Variants in TC2N observed in about 807,000 individuals in gnomAD.
The protein encoded by TC2N is tandem C2 domains nuclear protein.
A neutral mutation model predicts 61.9 loss-of-function variants in TC2N; 51 were observed. The ratio of observed to expected loss-of-function variants is 0.82; its 90% confidence interval spans 0.66 to 1.04. TC2N has a LOEUF of 1.04. TC2N is among the 50% of genes least tolerant of loss of function. The probability of loss-of-function intolerance (pLI) is 0.00; values close to 1 mark genes in which losing one functional copy is unlikely to be tolerated. For synonymous variants in TC2N, 204 were observed against 192.6 expected (o/e 1.06, Z -0.49); for missense variants, 556 against 566.7 (o/e 0.98, Z 0.19).
chr14:91,784,828 G>C (rs756336322), intron 11 of TC2N, among the ~76,000 whole-genome samples: 1 of 152,084 alleles, frequency 6.6e-6, no homozygotes, highest in East Asian at 1.9e-4. Context: ...TTTGATACTC[G>C]AAGACTTAAG....
At chr14:91,804,493 TTATAA>T (rs1297675173) in intron 3 of TC2N, among the ~76,000 whole-genome samples, 2 of 152,184 alleles carry the variant, frequency 1.3e-5, no homozygotes, top group African/African-American at 2.4e-5. Flanking sequence ...TACAAATTCC[TTATAA>T]TATGCTACAC....
At position 91,792,561 on chromosome 14, in the gene TC2N, T is replaced by A; in HGVS notation, c.856-3A>T. 6 of 1,269,276 alleles carry A rather than the reference T, an allele frequency of 4.7e-6. No individual in the cohort carries two copies. The highest frequency in any genetic ancestry group is 3.3e-5 in the South Asian group (2 of 61,272). The allele number at this position is 1,269,276 out of a possible 1,614,324, so 78.6% of individuals were successfully genotyped here. A position where few individuals can be genotyped will look rare whatever the true frequency, so the allele number is the denominator to read the frequency against. On this transcript the variant is annotated splice_polypyrimidine_tract_variant and splice_region_variant and intron_variant, in intron 8 of 11. Coordinates refer to ENST00000435962, the MANE Select transcript of TC2N (RefSeq NM_001128596.3). ...AACGTTTCCATAAATTCAATAGCCT[T>A]AAAAAAAAAACAAGAAAACATAAAA...
intron 1 of TC2N, among the ~76,000 whole-genome samples, chr14:91,842,718 G>A (rs1252875682): frequency 1.3e-5 from 2 of 152,170 alleles, no homozygotes; most frequent in African/African-American, 4.8e-5. Context: ...AGAGTTGGGA[G>A]GAATATTGAG....
Position 91,852,854 on chromosome 14 carries a change from G to A in TC2N, c.-57+14408C>T, listed in dbSNP as rs1003028484. ...TTGGGAGGCAGAGGGGGCAGATCAT[G>A]AGGTCAGGAGATCGAGACCATCCTG... On this transcript the variant is annotated intron_variant, in intron 1 of 11. Transcript: ENST00000435962. 5.9e-5 allele frequency among the ~76,000 whole-genome samples: 9 copies of A among 152,242 alleles called. No individual in the cohort carries two copies. The South Asian group carries it at 8.3e-4, about 14-fold the overall frequency.
chr14:91,798,432 G>T, intron 6 of TC2N, 33 bp from the exon 7 acceptor site: 1 of 1,182,014 alleles, frequency 8.5e-7, no homozygotes, highest in Non-Finnish European at 1.2e-6. Context: ...TGTTTCAAAT[G>T]CCATGCAATC....
chr14:91,834,686 G>A (rs1284605919), intron 1 of TC2N, among the ~76,000 whole-genome samples: 3 of 152,056 alleles, frequency 2.0e-5, no homozygotes, highest in Non-Finnish European at 4.4e-5. Flanking sequence ...CAATAGGCAC[G>A]TAATCAGTTC....
At chr14:91,854,064 G>A (rs1045332108) in intron 1 of TC2N, among the ~76,000 whole-genome samples, 1 of 152,106 alleles carries the variant, frequency 6.6e-6, no homozygotes, top group South Asian at 2.1e-4. Flanking sequence ...ACACAGCGTG[G>A]TTTTGAAGTG....
chr14:91,813,723 C>G lies in TC2N; in HGVS notation c.47G>C (p.Gly16Ala). 6.2e-7 allele frequency: 1 copy of G among 1,607,820 alleles called. No homozygotes were observed. Among genetic ancestry groups the G allele is most frequent in the Non-Finnish European group, 8.5e-7 (1 of 1,175,578 alleles). ...IKSCCGGCFY[G>A]ETEKHNFSVE... ...CTCACAGTTGTGTTTTTCTGTTTCA[C>G]CATAGAAACATCCTCCACAGCAACT... is the stretch of plus-strand genomic sequence containing the variant. Residue 16 changes from glycine to alanine, a missense_variant, in exon 2 of 12, where the codon GGT becomes GCT. Coordinates refer to ENST00000435962, the MANE Select transcript of TC2N (RefSeq NM_001128596.3).
chr14:91,833,185 T>G (rs1887863881), intron 1 of TC2N, among the ~76,000 whole-genome samples: 2 of 152,340 alleles, frequency 1.3e-5, no homozygotes, highest in African/African-American at 4.8e-5. Context: ...TTATTTTATT[T>G]GTATTCTCTG....
intron 1 of TC2N, among the ~76,000 whole-genome samples, chr14:91,849,626 C>T (rs565043071): frequency 1.3e-5 from 2 of 152,208 alleles, no homozygotes; most frequent in Non-Finnish European, 2.9e-5. Flanking sequence ...AATATGAGTA[C>T]TCAGAAAACT....
At position 91,782,878 on chromosome 14, in the gene TC2N, T is replaced by C. The variant is rs1295001812; in HGVS notation, c.*222A>G. ...AATAATACTTTGATTTTACTGTCTG[T>C]GTCTCTTGTTGCAGTTTTAAAACAT... On this transcript the variant is annotated 3_prime_UTR_variant, in exon 12 of 12. Coordinates refer to ENST00000435962, the MANE Select transcript of TC2N (RefSeq NM_001128596.3). 4 of 448,894 alleles carry C rather than the reference T, an allele frequency of 8.9e-6. No homozygotes were observed. The highest frequency in any genetic ancestry group is 1.6e-5 in the Non-Finnish European group (4 of 254,490). The allele number at this position is 448,894 out of a possible 1,614,324, so 27.8% of individuals were successfully genotyped here. A position where few individuals can be genotyped will look rare whatever the true frequency, so the allele number is the denominator to read the frequency against.
chr14:91,830,360 A>G (rs1292107362), intron 1 of TC2N, among the ~76,000 whole-genome samples: 1 of 152,264 alleles, frequency 6.6e-6, no homozygotes, highest in Non-Finnish European at 1.5e-5. Flanking sequence ...ATGGAATACT[A>G]TTCAACCATA....
chr14:91,865,439 C>T (rs1888680421), intron 1 of TC2N, among the ~76,000 whole-genome samples: 1 of 150,236 alleles, frequency 6.7e-6, no homozygotes, highest in Non-Finnish European at 1.5e-5. Flanking sequence ...AAGATATCAG[C>T]CATTTGTTAA....
chr14:91,788,989 A>C (rs1885499799), intron 9 of TC2N, among the ~76,000 whole-genome samples: 2 of 152,208 alleles, frequency 1.3e-5, no homozygotes, highest in Admixed American at 1.3e-4. Flanking sequence ...TGATTGAAAA[A>C]AAATTGCTGT....
intron 1 of TC2N, among the ~76,000 whole-genome samples, chr14:91,828,533 A>G (rs1244538625): frequency 6.6e-6 from 1 of 151,954 alleles, no homozygotes; most frequent in Non-Finnish European, 1.5e-5. Flanking sequence ...AAAAATCTAT[A>G]ATTTCCTCAT....
At chr14:91,787,142 T>G (rs1885404847) in intron 10 of TC2N, among the ~76,000 whole-genome samples, 1 of 152,118 alleles carries the variant, frequency 6.6e-6, no homozygotes, top group Non-Finnish European at 1.5e-5. Flanking sequence ...GATATATATA[T>G]TTTTTACAAT....
chr14:91,781,761 A>T lies in TC2N; in HGVS notation c.*1339T>A, dbSNP rs1024823164. On this transcript the variant is annotated 3_prime_UTR_variant, in exon 12 of 12. Coordinates refer to ENST00000435962, the MANE Select transcript of TC2N (RefSeq NM_001128596.3). The stretch of plus-strand genomic sequence containing the variant: ...TCAGAGCAGTAGAAGCAAAGGGGAT[A>T]TAAGATGTGGACATTTTGTAGCTTG... 5 of 152,128 alleles carry T rather than the reference A, an allele frequency of 3.3e-5. No homozygotes were observed. The highest frequency in any genetic ancestry group is 1.2e-4 in the African/African-American group (5 of 41,454). 9.4% of individuals were successfully genotyped at this position (152,128 alleles called of 1,614,324 possible).
Position 91,789,571 on chromosome 14 carries a change from A to G in TC2N, c.1048-1944T>C, listed in dbSNP as rs1043217983. Among the ~76,000 whole-genome samples, 22 of 151,574 alleles carry G rather than the reference A, an allele frequency of 1.5e-4. No individual in the cohort carries two copies. The East Asian group carries it at 3.3e-3, about 23-fold the overall frequency. Reference sequence around the variant, plus strand: ...GCTTGCAGTGAGCCGAGATTGCACCACTGCACTCCAGCCTGGGCGACAGAG... The same window carrying G: ...GCTTGCAGTGAGCCGAGATTGCACCGCTGCACTCCAGCCTGGGCGACAGAG... On this transcript the variant is annotated intron_variant, in intron 9 of 11. Transcript: ENST00000435962.
At chr14:91,804,448 C>T (rs1051616236) in intron 3 of TC2N, among the ~76,000 whole-genome samples, 3 of 152,048 alleles carry the variant, frequency 2.0e-5, no homozygotes, top group African/African-American at 7.3e-5. Flanking sequence ...AAAATTCCAT[C>T]AACAGTAAAA....
Sources: gnomAD v4.1 joint callset for allele counts (sites outside exome capture counted in the v4.1 genomes callset) on GRCh38, gnomAD v4.1.1 for gene constraint, MANE v1.5 for transcripts, NCBI Gene and HGNC (gene_info 2026-07-23, HGNC 2026-07-21) for gene names.